FAM120B: variants seen among roughly 807,000 people sequenced by gnomAD.
FAM120B encodes constitutive coactivator of peroxisome proliferator-activated receptor gamma.
A neutral mutation model predicts 96.3 loss-of-function variants in FAM120B; 83 were observed. The observed-to-expected ratio is 0.86, with a 90% CI of 0.72 to 1.03. The LOEUF is 1.03. FAM120B is among the 50% of genes least tolerant of loss of function. The pLI is 0.00. For missense variants in FAM120B, 1,027 were observed against 1,121.2 expected, an observed-to-expected ratio of 0.92 and a Z score of 1.20; for synonymous variants, 407 against 402.7, an observed-to-expected ratio of 1.01 and a Z score of -0.13.
intron 6 of FAM120B, among the ~76,000 whole-genome samples, chr6:170,369,723 T>C (rs1273393840): frequency 1.4e-5 from 2 of 148,116 alleles, no homozygotes; most frequent in Non-Finnish European, 3.0e-5. Context: ...CTCCCATACC[T>C]GACTCCTAGA....
chr6:170,397,940 A>G (rs1210596973), intron 9 of FAM120B, among the ~76,000 whole-genome samples: 1 of 152,080 alleles, frequency 6.6e-6, no homozygotes, highest in Admixed American at 6.6e-5. Context: ...CCCTACTCCT[A>G]GCCTCGTGGT....
At chr6:170,328,427 G>GC (rs1330902921) in intron 3 of FAM120B, among the ~76,000 whole-genome samples, 2 of 151,930 alleles carry the variant, frequency 1.3e-5, no homozygotes, top group African/African-American at 4.9e-5. Context: ...TCTTTCTTTG[G>GC]GGGGGTATAG....
chr6:170,354,853 C>T (rs559394851), intron 5 of FAM120B, among the ~76,000 whole-genome samples: 49 of 152,188 alleles, frequency 3.2e-4, no homozygotes, highest in Non-Finnish European at 4.3e-4. Context: ...GGTGTGAACC[C>T]GGGAGGTGGA....
chr6:170,361,195 CGTGT>C (rs377400448), intron 6 of FAM120B, among the ~76,000 whole-genome samples: 678 of 26,806 alleles, frequency 0.025, 24 homozygotes, highest in East Asian at 0.11. Flanking sequence ...TATATATATA[CGTGT>C]ATATATATAT....
chr6:170,345,947 G>A (rs1412664014), intron 4 of FAM120B, among the ~76,000 whole-genome samples: 1 of 152,224 alleles, frequency 6.6e-6, no homozygotes, highest in African/African-American at 2.4e-5. Context: ...AACCTAAATT[G>A]TGTGGCCTGT....
intron 2 of FAM120B, 144 bp downstream of exon 2, chr6:170,319,268 C>A: frequency 1.4e-6 from 1 of 737,186 alleles, no homozygotes; most frequent in Non-Finnish European, 2.2e-6. Context: ...GGAAGTGTGA[C>A]GTTATATGTG....
chr6:170,307,673 A>AG (rs2114990769), intron 1 of FAM120B, among the ~76,000 whole-genome samples: 1 of 152,340 alleles, frequency 6.6e-6, no homozygotes, highest in East Asian at 1.9e-4. Flanking sequence ...AATGGCAGGA[A>AG]GGAAGCTAAA....
intron 6 of FAM120B, among the ~76,000 whole-genome samples, chr6:170,384,695 G>C (rs896458705): frequency 1.3e-5 from 2 of 152,232 alleles, no homozygotes; most frequent in African/African-American, 4.8e-5. Flanking sequence ...ACAGTGGGAC[G>C]TGTGAGCACA....
chr6:170,330,607 C>CT, intron 4 of FAM120B, 57 bp downstream of exon 4: 1 of 1,288,772 alleles, frequency 7.8e-7, no homozygotes. Flanking sequence ...TGATAAAAGT[C>CT]TAAGAATGCA....
At position 170,319,088 on chromosome 6, in the gene FAM120B, A is replaced by T. The variant is rs528688533; in HGVS notation, c.1698A>T (p.Gln566His). ...DPTNVGPEVK[Q>H]QVTMVSDTEI... ...CAAATGTGGGGCCTGAAGTAAAGCA[A>T]CAAGTAACCATGGTTTCAGACACTG... The change falls in exon 2 of 11, where the codon CAA becomes CAT. Residue 566 changes from glutamine (Q) to histidine (H), a missense_variant. By Grantham distance (24) the Gln-to-His change is conservative (BLOSUM62 0). Around this residue, in one of 3 missense-constraint regions of FAM120B, gnomAD observed 880 missense variants for 980.9 expected, o/e 0.90. Coordinates refer to ENST00000476287, the MANE Select transcript of FAM120B (RefSeq NM_032448.3). 6.3e-5 allele frequency: 99 copies of T among 1,581,028 alleles called. 2 individuals are homozygous for T. The South Asian group carries it at 1.0e-3, about 17-fold the overall frequency.
intron 6 of FAM120B, among the ~76,000 whole-genome samples, chr6:170,372,023 T>G (rs1248385328): frequency 6.6e-6 from 1 of 152,222 alleles, no homozygotes; most frequent in Admixed American, 6.5e-5. Context: ...GGTAGTTGAC[T>G]CTCATATTTA....
intron 2 of FAM120B, among the ~76,000 whole-genome samples, chr6:170,321,599 G>A (rs955714081): frequency 6.6e-6 from 1 of 152,158 alleles, no homozygotes; most frequent in Non-Finnish European, 1.5e-5. Flanking sequence ...GGCTGGCCTT[G>A]AACTCCTGAC....
At chr6:170,331,043 A>G (rs1388393094) in intron 4 of FAM120B, among the ~76,000 whole-genome samples, 1 of 152,244 alleles carries the variant, frequency 6.6e-6, no homozygotes, top group Admixed American at 6.5e-5. Flanking sequence ...CACTGGAAAA[A>G]AGGTTATATT....
At chr6:170,377,387 C>G (rs375976229) in intron 6 of FAM120B, among the ~76,000 whole-genome samples, 1 of 111,468 alleles carries the variant, frequency 9.0e-6, no homozygotes, top group Non-Finnish European at 1.9e-5. Context: ...CACAGGCTCA[C>G]GCTGCTCGGT....
intron 1 of FAM120B, among the ~76,000 whole-genome samples, chr6:170,314,439 C>T (rs547205313): frequency 6.6e-6 from 1 of 152,318 alleles, no homozygotes; most frequent in East Asian, 1.9e-4. Context: ...AGCCCCACCT[C>T]AAAGGGAGTG....
chr6:170,328,071 TACTGTA>T (rs144950175), intron 3 of FAM120B, among the ~76,000 whole-genome samples: 18,664 of 152,234 alleles, frequency 0.12, 1,170 homozygotes, highest in East Asian at 0.2. Flanking sequence ...AACCTTAACT[TACTGTA>T]ACTTTTTTAC....
intron 6 of FAM120B, among the ~76,000 whole-genome samples, chr6:170,366,107 A>G (rs111393077): frequency 9.3e-4 from 142 of 152,346 alleles, no homozygotes; most frequent in African/African-American, 3.3e-3. Flanking sequence ...TCTGTCATTC[A>G]GTGGCATGTT....
chr6:170,311,604 AG>A lies in FAM120B; in HGVS notation c.-22+4764del, dbSNP rs530969173. ...AGGGTTTGTCTTAGAGCCCTAAACT[AG>A]GTTGGCTTTCCCTGCTGAAAATTCC... is the stretch of plus-strand genomic sequence containing the variant. On this transcript the variant is annotated intron_variant, in intron 1 of 10. Coordinates refer to ENST00000476287, the MANE Select transcript of FAM120B (RefSeq NM_032448.3). Among the ~76,000 whole-genome samples the A allele has an allele frequency of 3.3e-3, 500 of 152,290 alleles. 8 individuals are homozygous for A. The highest frequency in any genetic ancestry group is 0.012 in the African/African-American group (482 of 41,558).
chr6:170,400,842 G>T (rs1477824180), intron 9 of FAM120B, among the ~76,000 whole-genome samples: 2 of 152,200 alleles, frequency 1.3e-5, no homozygotes, highest in African/African-American at 4.8e-5. Context: ...TGGCCTGGCG[G>T]GAGCAGAGCC....
Sources: allele counts gnomAD v4.1 joint callset (sites outside exome capture counted in the v4.1 genomes callset), GRCh38; gene constraint gnomAD v4.1.1; regional missense constraint gnomAD v4.1.1; transcripts MANE v1.5; gene names NCBI Gene and HGNC (gene_info 2026-07-23, HGNC 2026-07-21).